The following ADGRA1 variants were observed in gnomAD, a reference collection of about 807,000 sequenced individuals.
The protein encoded by ADGRA1 is adhesion G protein-coupled receptor A1.
In ADGRA1, 12 loss-of-function variants were observed where a neutral mutation model predicts 21.3. The observed-to-expected ratio is 0.56, with a 90% CI of 0.36 to 0.91. ADGRA1 has a LOEUF of 0.91. ADGRA1 is among the 40% of genes least tolerant of loss of function. The probability of loss-of-function intolerance (pLI) is 0.01; values close to 1 mark genes in which losing one functional copy is unlikely to be tolerated. For missense variants in ADGRA1, 790 were observed against 805.6 expected (o/e 0.98, Z 0.23); for synonymous variants, 385 against 368.8 (o/e 1.04, Z -0.50).
At position 133,088,773 on chromosome 10, in the gene ADGRA1, G is replaced by A; in HGVS notation, c.-137G>A. ...ACCCTGAGGCCAGGGGCCCGGGAGC[G>A]CGACCTCCTGGCCGCCGTCTGGGAC... On this transcript the variant is annotated 5_prime_UTR_variant, in exon 2 of 7. Transcript: ENST00000392607. The A allele has an allele frequency of 6.5e-6, 8 of 1,231,796 alleles. No homozygotes were observed. The highest frequency in any genetic ancestry group is 8.1e-6 in the Non-Finnish European group (8 of 987,746). 76.3% of individuals were successfully genotyped at this position (1,231,796 alleles called of 1,614,324 possible). A position where few individuals can be genotyped will look rare whatever the true frequency, so the allele number is the denominator to read the frequency against.
chr10:133,127,451 C>G, intron 6 of ADGRA1, 120 bp downstream of exon 6: 1 of 754,602 alleles, frequency 1.3e-6, no homozygotes, highest in Non-Finnish European at 2.2e-6. Flanking sequence ...GGGCCTGGAC[C>G]TGGGGCTTGC....
chr10:133,113,734 G>A (rs1283013729), intron 5 of ADGRA1, among the ~76,000 whole-genome samples: 2 of 151,188 alleles, frequency 1.3e-5, no homozygotes, highest in South Asian at 2.1e-4. Flanking sequence ...GGGTTCACTG[G>A]GAGAGGGCAA....
intron 5 of ADGRA1, among the ~76,000 whole-genome samples, chr10:133,121,218 A>G (rs983504198): frequency 1.3e-5 from 2 of 152,262 alleles, no homozygotes; most frequent in African/African-American, 2.4e-5. Context: ...ACACAGAGAC[A>G]TAAAATGAAC....
intron 5 of ADGRA1, among the ~76,000 whole-genome samples, chr10:133,121,874 TGG>T (rs1374082485): frequency 4.2e-4 from 63 of 148,596 alleles, no homozygotes; most frequent in African/African-American, 1.4e-3. Context: ...TGCCTGTGTG[TGG>T]TGTGTGCCAG....
chr10:133,124,764 G>A (rs564356000), intron 5 of ADGRA1, among the ~76,000 whole-genome samples: 2 of 152,384 alleles, frequency 1.3e-5, no homozygotes, highest in South Asian at 2.1e-4. Flanking sequence ...GTGGGCCGAG[G>A]CTGTTGCGAG....
At chr10:133,114,205 C>T (rs778616061) in intron 5 of ADGRA1, among the ~76,000 whole-genome samples, 2 of 152,214 alleles carry the variant, frequency 1.3e-5, no homozygotes, top group African/African-American at 4.8e-5. Flanking sequence ...ACTGGAGCTT[C>T]AAGGGCAGAG....
In ADGRA1 at chr10:133,113,029, C is replaced by T. The variant is rs368982331; in HGVS notation, c.401+10187C>T. On this transcript the variant is annotated intron_variant, in intron 5 of 6. Coordinates refer to ENST00000392607, the MANE Select transcript of ADGRA1 (RefSeq NM_001083909.3). ...TGTCAGTTATTTGGGGTCTGCGGGC[C>T]GCGTCAGTTATTTGGGGTCTATAAG... Among the ~76,000 whole-genome samples, 97 of 140,118 alleles carry T rather than the reference C, an allele frequency of 6.9e-4. No individual in the cohort carries two copies. In the South Asian group the frequency reaches 0.012, roughly 18 times the overall value. 91.9% of individuals were successfully genotyped at this position (140,118 alleles called of 152,430 possible).
At chr10:133,090,719 G>A (rs1851584473) in intron 2 of ADGRA1, among the ~76,000 whole-genome samples, 1 of 145,324 alleles carries the variant, frequency 6.9e-6, no homozygotes, top group Non-Finnish European at 1.6e-5. Context: ...TGCTCTGGGG[G>A]GCTCCTGACG....
At chr10:133,094,277 T>C (rs1235798539) in intron 2 of ADGRA1, among the ~76,000 whole-genome samples, 3 of 152,220 alleles carry the variant, frequency 2.0e-5, no homozygotes, top group Non-Finnish European at 4.4e-5. Flanking sequence ...CAGCTCTGAT[T>C]GGGCTTAACA....
rs564334218 is a variant in ADGRA1 at position 133,112,975 on chromosome 10, C to T, written c.401+10133C>T. Among the ~76,000 whole-genome samples, 13 of 140,246 alleles carry T rather than the reference C, an allele frequency of 9.3e-5. No individual in the cohort carries two copies. The South Asian group carries it at 2.8e-3, about 30-fold the overall frequency. The allele number at this position is 140,246 out of a possible 152,430, so 92.0% of individuals were successfully genotyped here. A position where few individuals can be genotyped will look rare whatever the true frequency, so the allele number is the denominator to read the frequency against. Reference sequence around the variant, plus strand: ...TGTCGGTTATTTGGGGTCTGCGGGCCGCGTCAGTTATTTGGGGTCTATAAG... The same window carrying T: ...TGTCGGTTATTTGGGGTCTGCGGGCTGCGTCAGTTATTTGGGGTCTATAAG... On this transcript the variant is annotated intron_variant, in intron 5 of 6. Coordinates refer to ENST00000392607, the MANE Select transcript of ADGRA1 (RefSeq NM_001083909.3).
At chr10:133,111,296 C>G (rs1851998014) in intron 5 of ADGRA1, among the ~76,000 whole-genome samples, 1 of 78,438 alleles carries the variant, frequency 1.3e-5, no homozygotes. Flanking sequence ...GACAACCTGC[C>G]CCCCCGGGAA....
Position 133,128,587 on chromosome 10 carries a change from G to A in ADGRA1, c.759G>A (p.Gln253=). The A allele has an allele frequency of 6.3e-7, 1 of 1,589,350 alleles. No homozygotes were observed. The highest frequency in any genetic ancestry group is 1.1e-5 in the South Asian group (1 of 88,462). The change falls in exon 7 of 7, where the codon CAG becomes CAA. Residue 253 remains glutamine (Q), a synonymous_variant. Coordinates refer to ENST00000392607, the MANE Select transcript of ADGRA1 (RefSeq NM_001083909.3). ...TGCTGCAGAACGAGCACTCATTCCA[G>A]GCACAGCTGCGCGCCGCCGCCTTCA... ...ASVLQNEHSF[Q]AQLRAAAFTL... is the part of the protein sequence containing the mutation.
chr10:133,118,939 CAT>C (rs781056770), intron 5 of ADGRA1, among the ~76,000 whole-genome samples: 6 of 151,968 alleles, frequency 3.9e-5, no homozygotes, highest in East Asian at 1.9e-4. Context: ...GCATTGCACA[CAT>C]GTGCACACAC....
Position 133,098,569 on chromosome 10 carries a change from A to G in ADGRA1, c.132-71A>G, listed in dbSNP as rs536395168. 4.3e-5 allele frequency: 66 copies of G among 1,542,966 alleles called. 1 individual carries two copies. In the East Asian group the frequency reaches 1.1e-3, roughly 25 times the overall value. ...TTCCCGGGGACAGAGCCTGCGCCCCAGGGGGCTCCCTTCCACGCCTCCCCC... is the reference window on the plus strand; with the variant it reads ...TTCCCGGGGACAGAGCCTGCGCCCCGGGGGGCTCCCTTCCACGCCTCCCCC... On this transcript the variant is annotated intron_variant, in intron 3 of 6. Coordinates refer to ENST00000392607, the MANE Select transcript of ADGRA1 (RefSeq NM_001083909.3).
chr10:133,124,992 T>G (rs1043328305), intron 5 of ADGRA1, among the ~76,000 whole-genome samples: 3 of 152,216 alleles, frequency 2.0e-5, no homozygotes, highest in African/African-American at 7.2e-5. Context: ...GCACCACTCC[T>G]GTGTGCTGTG....
chr10:133,129,274 C>T lies in ADGRA1; in HGVS notation c.1446C>T (p.Thr482=). ...AGGGCGACCCCTTCCCCATGGTCAC[C>T]CAGCCCGAGGGCAGTGATGGGAGCC... The part of the protein sequence containing the change: ...CTQGDPFPMV[T]QPEGSDGSPA... Residue 482 remains threonine (T), a synonymous_variant, in exon 7 of 7, where the codon ACC becomes ACT. Transcript: ENST00000392607. 1 of 1,550,226 alleles carries T rather than the reference C, an allele frequency of 6.5e-7. No individual in the cohort carries two copies. The highest frequency in any genetic ancestry group is 1.2e-5 in the South Asian group (1 of 84,218).
chr10:133,122,365 A>G (rs1165575042), intron 5 of ADGRA1, among the ~76,000 whole-genome samples: 2 of 152,066 alleles, frequency 1.3e-5, no homozygotes, highest in African/African-American at 4.8e-5. Flanking sequence ...GCTGATTCCG[A>G]CCATCAGCTC....
intron 2 of ADGRA1, chr10:133,089,143 TG>T: frequency 8.9e-6 from 6 of 670,604 alleles, no homozygotes; most frequent in Non-Finnish European, 1.3e-5. Flanking sequence ...ACTAATGAGT[TG>T]CAGGCATATG....
intron 5 of ADGRA1, among the ~76,000 whole-genome samples, chr10:133,123,640 G>A (rs893322397): frequency 1.7e-4 from 26 of 152,120 alleles, no homozygotes; most frequent in African/African-American, 4.8e-4. Flanking sequence ...GGGATCATCC[G>A]ACAGTCGAGA....
Sources: gnomAD v4.1 joint callset for allele counts (sites outside exome capture counted in the v4.1 genomes callset) on GRCh38, gnomAD v4.1.1 for gene constraint, MANE v1.5 for transcripts, NCBI Gene and HGNC (gene_info 2026-07-23, HGNC 2026-07-21) for gene names.